Variants in LIAS observed in about 807,000 individuals in gnomAD.
LIAS encodes the protein lipoic acid synthetase, also known as lipoyl synthase, mitochondrial.
A neutral mutation model predicts 49.4 loss-of-function variants in LIAS; 36 were observed. The observed-to-expected ratio is 0.73, with a 90% confidence interval of 0.56 to 0.96. The LOEUF (loss-of-function observed/expected upper bound fraction) is 0.96, where lower values mean the gene tolerates loss of function less well. LIAS is among the 40% of genes least tolerant of loss of function. The pLI, the probability that LIAS is intolerant of heterozygous loss-of-function variation, is 0.00. For synonymous variants in LIAS, 145 were observed against 155.8 expected (o/e 0.93, Z 0.52); for missense variants, 399 against 456.3 (o/e 0.87, Z 1.14).
At chr4:39,472,365 A>G (rs759848657) in intron 9 of LIAS, among the ~76,000 whole-genome samples, 1 of 152,148 alleles carries the variant, frequency 6.6e-6, no homozygotes, top group South Asian at 2.1e-4. Flanking sequence ...AAATCCTTGT[A>G]TAAGTGGGCC....
chr4:39,462,442 A>C (rs1289864358), intron 3 of LIAS, among the ~76,000 whole-genome samples, 153 bp downstream of exon 3: 3 of 152,202 alleles, frequency 2.0e-5, no homozygotes, highest in Non-Finnish European at 1.5e-5. Flanking sequence ...ATATATTTAG[A>C]ATCATTTTTC....
Position 39,465,282 on chromosome 4 carries a change from T to C in LIAS, c.551-3T>C, listed in dbSNP as rs771083331. The C allele has an allele frequency of 6.2e-7, 1 of 1,612,770 alleles. No homozygotes were observed. Among genetic ancestry groups the C allele is most frequent in the Non-Finnish European group, 8.5e-7 (1 of 1,179,604 alleles). On this transcript the variant is annotated splice_region_variant and splice_polypyrimidine_tract_variant and intron_variant, in intron 5 of 10. Coordinates refer to ENST00000640888, the MANE Select transcript of LIAS (RefSeq NM_006859.4). ...CCTGAGCAGTGGATTCTTTTGTTTC[T>C]AGATATGCCTGATGGGGGAGCTGAA...
Position 39,463,549 on chromosome 4 carries a change from A to G in LIAS, c.337A>G (p.Asn113Asp). 1 of 1,610,436 alleles carries G rather than the reference A, an allele frequency of 6.2e-7. No homozygotes were observed. Among genetic ancestry groups the G allele is most frequent in the Non-Finnish European group, 8.5e-7 (1 of 1,177,752 alleles). The stretch of plus-strand genomic sequence containing the variant: ...GGTATGTGAGGAAGCTCGATGTCCC[A>G]ATATTGGAGAGTGTTGGGGAGGTGG... ...HTVCEEARCPNIGECWGGGEY... is the reference protein window; with the variant it reads ...HTVCEEARCPDIGECWGGGEY... The change falls in exon 4 of 11, where the codon AAT becomes GAT. Residue 113 changes from asparagine (N) to aspartate (D), a missense_variant. Physicochemically the swap from Asn to Asp is conservative, Grantham distance 23. Transcript: ENST00000640888.
At chr4:39,476,314 G>A (rs943344482) in intron 10 of LIAS, 3 of 152,182 alleles carry the variant, frequency 2.0e-5, no homozygotes, top group Non-Finnish European at 2.9e-5. Flanking sequence ...TTACTTGGCT[G>A]GGTTATGAGC....
At chr4:39,469,701 A>T in intron 7 of LIAS, 1 of 227,664 alleles carries the variant, frequency 4.4e-6, no homozygotes, top group South Asian at 1.2e-4. Context: ...TTTGTTCAGT[A>T]TGGAGACTCT....
intron 10 of LIAS, chr4:39,473,887 A>G (rs531653083): frequency 5.3e-5 from 8 of 152,328 alleles, no homozygotes; most frequent in African/African-American, 1.9e-4. Flanking sequence ...GAGGATCCAA[A>G]AGAACATATC....
intron 1 of LIAS, 115 bp downstream of exon 1, chr4:39,459,277 C>A: frequency 3.3e-6 from 3 of 910,040 alleles, no homozygotes; most frequent in Non-Finnish European, 5.0e-6. Context: ...TACTAGCCAA[C>A]GGCAGTTTTA....
At chr4:39,459,224 C>T (rs1197416220) in intron 1 of LIAS, 62 bp downstream of exon 1, 2 of 1,476,810 alleles carry the variant, frequency 1.4e-6, no homozygotes, top group East Asian at 2.3e-5. Flanking sequence ...TTCAGAGCGC[C>T]CATGCCCAAT....
chr4:39,460,987 T>TA (rs1446018331), intron 2 of LIAS, 25 bp downstream of exon 2: 2 of 1,570,316 alleles, frequency 1.3e-6, no homozygotes, highest in Non-Finnish European at 1.7e-6. Flanking sequence ...GAGATAATTT[T>TA]AACGTCCCGT....
At chr4:39,473,248 GTT>G (rs2109888065) in intron 10 of LIAS, 37 bp downstream of exon 10, 1 of 1,243,172 alleles carries the variant, frequency 8.0e-7, no homozygotes, top group East Asian at 2.3e-5. Context: ...CATTTAGGCC[GTT>G]AACTTTCCAC....
At chr4:39,469,772 A>G (rs934883318) in intron 7 of LIAS, 16 of 350,862 alleles carry the variant, frequency 4.6e-5, no homozygotes, top group African/African-American at 1.3e-4. Context: ...TGGTTTCTCA[A>G]TGCATAAACT....
chr4:39,465,233 A>G (rs779512087), intron 5 of LIAS, 31 bp downstream of exon 5: 1 of 1,612,496 alleles, frequency 6.2e-7, no homozygotes, highest in Non-Finnish European at 8.5e-7. Flanking sequence ...TCTACCAGAA[A>G]CTGGCTCTAA....
In LIAS at chr4:39,462,238, GA is replaced by G. The variant is rs1355425067; in HGVS notation, c.266del (p.Asn89IlefsTer5). ...PWLKTEIPMGKNYNKLKNTLR... is the reference protein window; with the variant it reads ...PWLKTEIPMGXNYNKLKNTLR... Reference sequence around the variant, plus strand: ...GGCTAAAGACAGAGATTCCCATGGGGAAAAATTACAATAAACTGAAAAATAC... The same window carrying G: ...GGCTAAAGACAGAGATTCCCATGGGGAAAATTACAATAAACTGAAAAATAC... On this transcript the variant is annotated frameshift_variant, in exon 3 of 11. Coordinates refer to ENST00000640888, the MANE Select transcript of LIAS (RefSeq NM_006859.4). LOFTEE classifies it high-confidence loss of function. 2 of 1,564,280 alleles carry G rather than the reference GA, an allele frequency of 1.3e-6. No individual in the cohort carries two copies. Among genetic ancestry groups the G allele is most frequent in the South Asian group, 1.2e-5 (1 of 83,148 alleles).
At position 39,462,307 on chromosome 4, in the gene LIAS, A is replaced by G. The variant is rs1744546338; in HGVS notation, c.312+18A>G. On this transcript the variant is annotated intron_variant, in intron 3 of 10. Transcript: ENST00000640888. ...TCCATACAGTAAGTTGTCAAAGTGT[A>G]AACTATCCCTCTTCACCAAAAGCCA... is the stretch of plus-strand genomic sequence containing the variant. The G allele has an allele frequency of 7.9e-7, 1 of 1,260,836 alleles. No homozygotes were observed. Among genetic ancestry groups the G allele is most frequent in the Non-Finnish European group, 1.1e-6 (1 of 900,722 alleles). The allele number at this position is 1,260,836 out of a possible 1,614,324, so 78.1% of individuals were successfully genotyped here. A position where few individuals can be genotyped will look rare whatever the true frequency, so the allele number is the denominator to read the frequency against.
At chr4:39,464,194 G>C (rs1437234360) in intron 4 of LIAS, 1 of 152,012 alleles carries the variant, frequency 6.6e-6, no homozygotes, top group Non-Finnish European at 1.5e-5. Flanking sequence ...AAATTAGCTG[G>C]GCATGGTGGC....
At chr4:39,474,262 CAAA>C (rs34137564) in intron 10 of LIAS, among the ~76,000 whole-genome samples, 10 of 92,396 alleles carry the variant, frequency 1.1e-4, no homozygotes, top group East Asian at 3.6e-4. Context: ...GACTCTGTCT[CAAA>C]AAAAAAAAAA....
intron 7 of LIAS, 116 bp downstream of exon 7, chr4:39,467,762 T>C: frequency 9.2e-7 from 1 of 1,087,294 alleles, no homozygotes; most frequent in Non-Finnish European, 1.2e-6. Context: ...AACTCTATTC[T>C]TTTTTGTTTT....
Position 39,465,268 on chromosome 4 carries a change from G to T in LIAS, c.551-17G>T, listed in dbSNP as rs1744714339. 3 of 1,612,680 alleles carry T rather than the reference G, an allele frequency of 1.9e-6. No homozygotes were observed. The highest frequency in any genetic ancestry group is 8.5e-7 in the Non-Finnish European group (1 of 1,179,552). On this transcript the variant is annotated splice_polypyrimidine_tract_variant and intron_variant, in intron 5 of 10. Coordinates refer to ENST00000640888, the MANE Select transcript of LIAS (RefSeq NM_006859.4). ...AATGATGACATCATCCTGAGCAGTG[G>T]ATTCTTTTGTTTCTAGATATGCCTG...
At chr4:39,472,193 T>A (rs887153388) in intron 9 of LIAS, among the ~76,000 whole-genome samples, 2 of 151,482 alleles carry the variant, frequency 1.3e-5, no homozygotes, top group South Asian at 2.1e-4. Flanking sequence ...AGAGAAAAAA[T>A]TTTTTGAAGA....
Sources: gnomAD v4.1 joint callset for allele counts (sites outside exome capture counted in the v4.1 genomes callset) on GRCh38, gnomAD v4.1.1 for gene constraint, MANE v1.5 for transcripts, NCBI Gene and HGNC (gene_info 2026-07-23, HGNC 2026-07-21) for gene names.